Variants in CNTNAP2 observed in about 807,000 individuals in gnomAD.
CNTNAP2 encodes contactin-associated protein-like 2.
A neutral mutation model predicts 155.2 loss-of-function variants in CNTNAP2; 98 were observed. The ratio of observed to expected loss-of-function variants is 0.63; its 90% confidence interval spans 0.54 to 0.75. The LOEUF is 0.75. CNTNAP2 is among the 30% of genes least tolerant of loss of function. The pLI, the probability that CNTNAP2 is intolerant of heterozygous loss-of-function variation, is 0.00. For synonymous variants in CNTNAP2, 651 were observed against 631.2 expected, an observed-to-expected ratio of 1.03 and a Z score of -0.47; for missense variants, 1,727 against 1,688.1, an observed-to-expected ratio of 1.02 and a Z score of -0.40.
At chr7:147,662,399 A>G (rs1356103198) in intron 13 of CNTNAP2, among the ~76,000 whole-genome samples, 1 of 152,250 alleles carries the variant, frequency 6.6e-6, no homozygotes, top group Non-Finnish European at 1.5e-5. Context: ...GCTCTTGGCA[A>G]GAGTTAGAGT....
At chr7:146,743,298 G>A (rs922056898) in intron 1 of CNTNAP2, among the ~76,000 whole-genome samples, 1 of 152,164 alleles carries the variant, frequency 6.6e-6, no homozygotes, top group African/African-American at 2.4e-5. Flanking sequence ...AAAAGGTGGT[G>A]TGTTTGTGTC....
At chr7:146,141,995 GC>G (rs1457504614) in intron 1 of CNTNAP2, among the ~76,000 whole-genome samples, 1 of 152,160 alleles carries the variant, frequency 6.6e-6, no homozygotes, top group Non-Finnish European at 1.5e-5. Flanking sequence ...ACTGACAGCT[GC>G]TATGACTTCT....
At chr7:147,812,122 G>A (rs1416313791) in intron 13 of CNTNAP2, among the ~76,000 whole-genome samples, 2 of 152,100 alleles carry the variant, frequency 1.3e-5, no homozygotes, top group African/African-American at 4.8e-5. Context: ...GTTGGAAGAG[G>A]TGCAGGGATT....
intron 21 of CNTNAP2, among the ~76,000 whole-genome samples, chr7:148,303,324 A>C (rs1351721495): frequency 6.6e-6 from 1 of 152,222 alleles, no homozygotes; most frequent in Admixed American, 6.5e-5. Flanking sequence ...AGAGCTAAGC[A>C]CATAGAAGGT....
In CNTNAP2 at chr7:148,343,926, G is replaced by T. The variant is rs190147564; in HGVS notation, c.3476-39723G>T. Among the ~76,000 whole-genome samples the T allele has an allele frequency of 5.3e-5, 8 of 152,318 alleles. No homozygotes were observed. The East Asian group carries it at 1.5e-3, about 29-fold the overall frequency. On this transcript the variant is annotated intron_variant, in intron 21 of 23. Transcript: ENST00000361727. ...CTTGAGGTTAGAGATTCGTAATTCAGTGTTGCCTCTGATCAGCCTGGAATT... is the reference window on the plus strand; with the variant it reads ...CTTGAGGTTAGAGATTCGTAATTCATTGTTGCCTCTGATCAGCCTGGAATT...
At chr7:148,062,751 A>C (rs930780088) in intron 15 of CNTNAP2, among the ~76,000 whole-genome samples, 3 of 152,190 alleles carry the variant, frequency 2.0e-5, no homozygotes, top group Non-Finnish European at 4.4e-5. Context: ...AAAATGAGTT[A>C]AGGCTAGAAA....
At chr7:147,632,133 CA>C (rs1478989350) in intron 12 of CNTNAP2, among the ~76,000 whole-genome samples, 1 of 152,018 alleles carries the variant, frequency 6.6e-6, no homozygotes, top group African/African-American at 2.4e-5. Context: ...AAATCAGCAA[CA>C]AAAAACCAAT....
intron 1 of CNTNAP2, among the ~76,000 whole-genome samples, chr7:146,237,595 G>T (rs538110502): frequency 2.6e-5 from 4 of 152,032 alleles, no homozygotes; most frequent in African/African-American, 4.8e-5. Flanking sequence ...GCATTTTCCG[G>T]TGCATGCACT....
At chr7:148,333,747 G>C (rs1798070344) in intron 21 of CNTNAP2, among the ~76,000 whole-genome samples, 1 of 152,216 alleles carries the variant, frequency 6.6e-6, no homozygotes. Flanking sequence ...AGTCAGAAGA[G>C]ATGCCACGAA....
chr7:146,966,932 A>G (rs1053257094), intron 3 of CNTNAP2, among the ~76,000 whole-genome samples: 14 of 152,212 alleles, frequency 9.2e-5, no homozygotes, highest in African/African-American at 3.4e-4. Flanking sequence ...GGTAGCCCCA[A>G]ATTGTAATTT....
chr7:147,357,493 A>G (rs1796083854), intron 9 of CNTNAP2, among the ~76,000 whole-genome samples: 1 of 152,114 alleles, frequency 6.6e-6, no homozygotes, highest in African/African-American at 2.4e-5. Context: ...TACATGCAGC[A>G]GCAGTCGGTA....
chr7:146,682,227 G>A lies in CNTNAP2; in HGVS notation c.98-92044G>A, dbSNP rs569060243. Among the ~76,000 whole-genome samples the A allele has an allele frequency of 1.8e-4, 27 of 151,990 alleles. No individual in the cohort carries two copies. In the South Asian group the frequency reaches 1.9e-3, roughly 11 times the overall value. On this transcript the variant is annotated intron_variant, in intron 1 of 23. Coordinates refer to ENST00000361727, the MANE Select transcript of CNTNAP2 (RefSeq NM_014141.6). Reference sequence around the variant, plus strand: ...GTGGAAGAACAATATATGTATATACGTATGTATATGTATATATATATATTT... The same window carrying A: ...GTGGAAGAACAATATATGTATATACATATGTATATGTATATATATATATTT...
At chr7:147,001,149 C>G (rs1430294613) in intron 3 of CNTNAP2, among the ~76,000 whole-genome samples, 1 of 152,096 alleles carries the variant, frequency 6.6e-6, no homozygotes, top group Non-Finnish European at 1.5e-5. Context: ...AATGTCCGTT[C>G]TACCTTTTTT....
intron 8 of CNTNAP2, among the ~76,000 whole-genome samples, chr7:147,261,560 A>G (rs1804466410): frequency 6.6e-6 from 1 of 152,112 alleles, no homozygotes; most frequent in African/African-American, 2.4e-5. Flanking sequence ...TACTTTAAAA[A>G]AAAAAAAACC....
At chr7:147,304,803 G>C (rs890616804) in intron 9 of CNTNAP2, among the ~76,000 whole-genome samples, 2 of 152,146 alleles carry the variant, frequency 1.3e-5, no homozygotes, top group African/African-American at 4.8e-5. Flanking sequence ...GAATACTATA[G>C]GTTGAGTGGT....
chr7:147,900,707 C>T (rs1318489981), intron 13 of CNTNAP2, among the ~76,000 whole-genome samples: 1 of 152,094 alleles, frequency 6.6e-6, no homozygotes, highest in Non-Finnish European at 1.5e-5. Context: ...ACTTGCACCT[C>T]CCACATTCAA....
At position 148,215,603 on chromosome 7, in the gene CNTNAP2, A is replaced by G. The variant is rs533124923; in HGVS notation, c.3011-1685A>G. On this transcript the variant is annotated intron_variant, in intron 18 of 23. Coordinates refer to ENST00000361727, the MANE Select transcript of CNTNAP2 (RefSeq NM_014141.6). Reference sequence around the variant, plus strand: ...GGTGATGTGAGGTGGGGGCCAGGACATGTCACCCTCAATATACAACGGTAA... The same window carrying G: ...GGTGATGTGAGGTGGGGGCCAGGACGTGTCACCCTCAATATACAACGGTAA... Among the ~76,000 whole-genome samples, 451 of 151,614 alleles carry G rather than the reference A, an allele frequency of 3.0e-3. 3 individuals are homozygous for G. Among genetic ancestry groups the G allele is most frequent in the Non-Finnish European group, 5.1e-3 (345 of 67,964 alleles).
At chr7:146,642,438 T>C (rs1362170602) in intron 1 of CNTNAP2, among the ~76,000 whole-genome samples, 3 of 151,594 alleles carry the variant, frequency 2.0e-5, no homozygotes, top group Non-Finnish European at 2.9e-5. Context: ...GATAGTTTAC[T>C]GAGAATGATG....
At chr7:147,631,418 T>A (rs181853821) in intron 12 of CNTNAP2, among the ~76,000 whole-genome samples, 1 of 152,080 alleles carries the variant, frequency 6.6e-6, no homozygotes, top group South Asian at 2.1e-4. Context: ...CCAAAATCAA[T>A]CTACAGATTG....
Sources: gnomAD v4.1 joint callset for allele counts (sites outside exome capture counted in the v4.1 genomes callset) on GRCh38, gnomAD v4.1.1 for gene constraint, MANE v1.5 for transcripts, NCBI Gene and HGNC (gene_info 2026-07-23, HGNC 2026-07-21) for gene names.